WDFY3: variants seen among roughly 807,000 people sequenced by gnomAD.
WDFY3 encodes WD repeat and FYVE domain containing 3.
In WDFY3, 66 loss-of-function variants were observed where a neutral mutation model predicts 409.6. That is an observed-to-expected ratio of 0.16 (90% CI 0.13 to 0.20). The LOEUF is 0.20. Among genes scored for constraint, WDFY3 ranks in the 10% least tolerant of loss-of-function variants. WDFY3 has a pLI of 1.00. For missense variants in WDFY3, 3,031 were observed against 4,298.1 expected (o/e 0.71, Z 8.24); for synonymous variants, 1,521 against 1,537.1 (o/e 0.99, Z 0.25).
intron 10 of WDFY3, among the ~76,000 whole-genome samples, chr4:84,823,261 C>T (rs935164860): frequency 6.6e-6 from 1 of 151,986 alleles, no homozygotes; most frequent in Non-Finnish European, 1.5e-5. Context: ...AAAAGAAATC[C>T]TTACTTTCTA....
intron 35 of WDFY3, among the ~76,000 whole-genome samples, chr4:84,753,459 T>C (rs1214572759): frequency 6.6e-6 from 1 of 152,112 alleles, no homozygotes; most frequent in African/African-American, 2.4e-5. Flanking sequence ...CTTACAAGAA[T>C]ATGGTGAATG....
At chr4:84,868,898 C>T (rs1560965286) in intron 3 of WDFY3, among the ~76,000 whole-genome samples, 2 of 152,174 alleles carry the variant, frequency 1.3e-5, no homozygotes, top group East Asian at 3.8e-4. Flanking sequence ...CTTTGGAAGG[C>T]TGACCTGAGA....
At chr4:84,924,107 A>G (rs1769663584) in intron 2 of WDFY3, among the ~76,000 whole-genome samples, 1 of 152,260 alleles carries the variant, frequency 6.6e-6, no homozygotes, top group African/African-American at 2.4e-5. Context: ...CACATAGGCA[A>G]CAGTGATTTA....
intron 2 of WDFY3, among the ~76,000 whole-genome samples, chr4:84,921,777 C>A (rs1769321065): frequency 6.6e-6 from 1 of 150,568 alleles, no homozygotes; most frequent in African/African-American, 2.4e-5. Flanking sequence ...CTGCCTCAGC[C>A]TCCCTAGTAG....
At chr4:84,709,108 G>T in intron 52 of WDFY3, 80 bp from the exon 53 acceptor site, 1 of 1,550,534 alleles carries the variant, frequency 6.4e-7, no homozygotes, top group Non-Finnish European at 8.8e-7. Flanking sequence ...TATACAAAAT[G>T]ATGTAAAGGA....
intron 5 of WDFY3, chr4:84,844,586 G>A: frequency 8.5e-7 from 1 of 1,177,632 alleles, no homozygotes; most frequent in Non-Finnish European, 1.1e-6. Flanking sequence ...GAGTACTGGG[G>A]TCAACATCAT....
chr4:84,724,688 C>A, intron 45 of WDFY3, 94 bp from the exon 46 acceptor site: 1 of 1,411,914 alleles, frequency 7.1e-7, no homozygotes, highest in South Asian at 1.5e-5. Context: ...AGGTGTGTTA[C>A]CTTTTTAAAG....
intron 58 of WDFY3, 80 bp downstream of exon 58, chr4:84,695,889 TA>T (rs2148889570): frequency 7.7e-7 from 1 of 1,298,704 alleles, no homozygotes; most frequent in East Asian, 2.4e-5. Flanking sequence ...TAAACTTAAT[TA>T]TTTTGTGGTA....
At chr4:84,885,659 G>T (rs1764123160) in intron 3 of WDFY3, among the ~76,000 whole-genome samples, 1 of 152,192 alleles carries the variant, frequency 6.6e-6, no homozygotes, top group African/African-American at 2.4e-5. Flanking sequence ...ACACAGAGGT[G>T]TTAGAGGTGT....
At chr4:84,682,497 A>G (rs1478606624) in intron 63 of WDFY3, 27 bp from the exon 64 acceptor site, 1 of 1,587,146 alleles carries the variant, frequency 6.3e-7, no homozygotes, top group South Asian at 1.1e-5. Context: ...ACAAAAATTA[A>G]AAAGTTAAGA....
At chr4:84,903,126 A>G (rs913690187) in intron 2 of WDFY3, among the ~76,000 whole-genome samples, 11 of 152,222 alleles carry the variant, frequency 7.2e-5, no homozygotes, top group African/African-American at 2.7e-4. Flanking sequence ...TTGTTAGGTC[A>G]GAAAAAAGAG....
intron 34 of WDFY3, among the ~76,000 whole-genome samples, chr4:84,754,378 G>A (rs1258271578): frequency 6.6e-6 from 1 of 152,144 alleles, no homozygotes; most frequent in East Asian, 1.9e-4. Flanking sequence ...TGCCCAGAGA[G>A]TATCTTTTAA....
intron 2 of WDFY3, among the ~76,000 whole-genome samples, chr4:84,901,421 C>T (rs1766328465): frequency 6.6e-6 from 1 of 152,116 alleles, no homozygotes; most frequent in South Asian, 2.1e-4. Flanking sequence ...TGTGATGTCC[C>T]CTACCACCTC....
At chr4:84,856,901 C>CA (rs762641980) in intron 4 of WDFY3, among the ~76,000 whole-genome samples, 2 of 151,948 alleles carry the variant, frequency 1.3e-5, no homozygotes, top group African/African-American at 2.4e-5. Flanking sequence ...CACTAGTGGA[C>CA]AATGTTCAAG....
At chr4:84,682,213 G>GC (rs1386309303) in intron 64 of WDFY3, among the ~76,000 whole-genome samples, 161 bp downstream of exon 64, 1 of 152,184 alleles carries the variant, frequency 6.6e-6, no homozygotes, top group East Asian at 1.9e-4. Flanking sequence ...AGAAAACCTT[G>GC]CATGTCTGCT....
chr4:84,923,003 T>G (rs1344512912), intron 2 of WDFY3, among the ~76,000 whole-genome samples: 1 of 152,248 alleles, frequency 6.6e-6, no homozygotes, highest in Non-Finnish European at 1.5e-5. Context: ...GGACACATGC[T>G]GTGAGATCTT....
In WDFY3 at chr4:84,709,040, T is replaced by G. The variant is rs775620941; in HGVS notation, c.8098-12A>C. The G allele has an allele frequency of 1.2e-6, 2 of 1,612,956 alleles. No individual in the cohort carries two copies. Among genetic ancestry groups the G allele is most frequent in the African/African-American group, 2.7e-5 (2 of 74,872 alleles). On this transcript the variant is annotated splice_polypyrimidine_tract_variant and intron_variant, in intron 52 of 67. Transcript: ENST00000295888. ...CTGATTTCACCTCTCTGGAAAAAGA[T>G]AAATATTCATTTTTGAGCTATCGAT...
rs1746155944 is a variant in WDFY3 at position 84,779,567 on chromosome 4, C to CA, written c.4365+540dup. 2.6e-5 allele frequency among the ~76,000 whole-genome samples: 4 copies of CA among 152,162 alleles called. No individual in the cohort carries two copies. In the South Asian group the frequency reaches 8.3e-4, roughly 31 times the overall value. The stretch of plus-strand genomic sequence containing the variant: ...AGCTGGGATTACAGGCACATGCCAC[C>CA]ATGCCTGGCTAATTTTTGTATTTTT... On this transcript the variant is annotated intron_variant, in intron 26 of 67. Transcript: ENST00000295888.
chr4:84,870,726 G>A (rs1762027939), intron 3 of WDFY3, among the ~76,000 whole-genome samples: 1 of 152,070 alleles, frequency 6.6e-6, no homozygotes, highest in Non-Finnish European at 1.5e-5. Context: ...TCTCACTTGA[G>A]GTCCAGGAAG....
Sources: gnomAD v4.1 joint callset for allele counts (sites outside exome capture counted in the v4.1 genomes callset) on GRCh38, gnomAD v4.1.1 for gene constraint, MANE v1.5 for transcripts, NCBI Gene and HGNC (gene_info 2026-07-23, HGNC 2026-07-21) for gene names.